HS2ST1: variants seen among roughly 807,000 people sequenced by gnomAD.
The protein encoded by HS2ST1 is 2-O-sulfotransferase.
Under a neutral mutation model 42.9 loss-of-function variants are expected in HS2ST1, and 18 were observed. That is an observed-to-expected ratio of 0.42 (90% CI 0.29 to 0.62). HS2ST1 has a LOEUF of 0.62. Among genes scored for constraint, HS2ST1 ranks in the 20% least tolerant of loss-of-function variants. The pLI is 0.21. For missense variants in HS2ST1, 334 were observed against 433.8 expected, an observed-to-expected ratio of 0.77 and a Z score of 2.04; for synonymous variants, 146 against 152.9, an observed-to-expected ratio of 0.95 and a Z score of 0.33.
chr1:86,980,472 AT>A (rs72294738), intron 1 of HS2ST1, among the ~76,000 whole-genome samples: 17,052 of 150,894 alleles, frequency 0.11, 1,025 homozygotes, highest in African/African-American at 0.14. Context: ...CAATTCATTG[AT>A]TTTTTTTTTC....
intron 1 of HS2ST1, among the ~76,000 whole-genome samples, chr1:87,002,205 C>T (rs1370939315): frequency 2.0e-5 from 3 of 152,216 alleles, no homozygotes; most frequent in Non-Finnish European, 4.4e-5. Flanking sequence ...AGCCACCGTG[C>T]CCGGCCGGAC....
chr1:86,949,234 G>A (rs889376062), intron 1 of HS2ST1, among the ~76,000 whole-genome samples: 4 of 151,930 alleles, frequency 2.6e-5, no homozygotes, highest in East Asian at 3.9e-4. Flanking sequence ...TCAGCCTCCC[G>A]AATAGATGGG....
intron 1 of HS2ST1, among the ~76,000 whole-genome samples, chr1:87,057,558 G>A (rs901609722): frequency 1.6e-4 from 20 of 128,864 alleles, no homozygotes; most frequent in African/African-American, 5.4e-4. Context: ...TTGTCACCCA[G>A]AAGGCACTTT....
intron 1 of HS2ST1, among the ~76,000 whole-genome samples, chr1:87,048,004 A>G (rs1245322876): frequency 6.6e-6 from 1 of 152,174 alleles, no homozygotes; most frequent in Non-Finnish European, 1.5e-5. Context: ...ATTGCATGGC[A>G]TCTGTATATA....
chr1:86,974,298 A>C (rs572325883), intron 1 of HS2ST1, among the ~76,000 whole-genome samples: 59 of 152,242 alleles, frequency 3.9e-4, no homozygotes, highest in African/African-American at 1.3e-3. Context: ...CTACATGATG[A>C]ATGCTAAAAA....
chr1:86,946,998 T>C (rs977105487), intron 1 of HS2ST1, among the ~76,000 whole-genome samples: 2 of 152,206 alleles, frequency 1.3e-5, no homozygotes, highest in Non-Finnish European at 2.9e-5. Flanking sequence ...ATAGTAATTA[T>C]GGATAACTGA....
chr1:87,033,618 A>G (rs1478095245), intron 1 of HS2ST1, among the ~76,000 whole-genome samples: 3 of 152,110 alleles, frequency 2.0e-5, no homozygotes, highest in Admixed American at 2.0e-4. Context: ...ATCTTAGCTC[A>G]CTGCAACCTC....
intron 1 of HS2ST1, among the ~76,000 whole-genome samples, chr1:87,069,886 G>A (rs989901247): frequency 6.6e-6 from 1 of 152,152 alleles, no homozygotes; most frequent in Admixed American, 6.5e-5. Flanking sequence ...TGGCCCTGCC[G>A]GAGGTGTAGC....
chr1:86,982,106 C>T (rs183318078), intron 1 of HS2ST1, among the ~76,000 whole-genome samples: 8 of 152,362 alleles, frequency 5.3e-5, no homozygotes, highest in Admixed American at 5.2e-4. Flanking sequence ...TCTGAAGCAA[C>T]GGCCTAAGCT....
chr1:87,053,442 A>G (rs895079214), intron 1 of HS2ST1, among the ~76,000 whole-genome samples: 15 of 152,068 alleles, frequency 9.9e-5, no homozygotes, highest in African/African-American at 3.4e-4. Context: ...TATATAATTT[A>G]CTCCTATTTT....
At chr1:86,986,860 T>G (rs1366330174) in intron 1 of HS2ST1, among the ~76,000 whole-genome samples, 2 of 152,304 alleles carry the variant, frequency 1.3e-5, no homozygotes, top group East Asian at 3.9e-4. Flanking sequence ...ATAAATTTGT[T>G]TTCCTTTAAG....
intron 1 of HS2ST1, among the ~76,000 whole-genome samples, chr1:86,924,834 C>A (rs1265900119): frequency 6.6e-6 from 1 of 152,146 alleles, no homozygotes; most frequent in Admixed American, 6.5e-5. Flanking sequence ...CTCTGACATG[C>A]CTTGGAGACA....
rs1652381904 is a variant in HS2ST1 at position 87,108,406 on chromosome 1, C to T, written c.*3710C>T. ...GCCTTTAAGAGGCCCAGGTGCTTCT[C>T]CTTTATGATTTGAGTTGGCCTCTTC... On this transcript the variant is annotated 3_prime_UTR_variant, in exon 7 of 7. Transcript: ENST00000370550. The T allele has an allele frequency of 6.6e-6, 1 of 152,054 alleles. No individual in the cohort carries two copies. Among genetic ancestry groups the T allele is most frequent in the Non-Finnish European group, 1.5e-5 (1 of 67,968 alleles). The allele number at this position is 152,054 out of a possible 1,614,324, so 9.4% of individuals were successfully genotyped here.
At chr1:87,084,073 T>C (rs901806192) in intron 2 of HS2ST1, 121 bp from the exon 3 acceptor site, 7 of 560,866 alleles carry the variant, frequency 1.2e-5, no homozygotes, top group Non-Finnish European at 1.9e-5. Context: ...AGTCCAAACC[T>C]GTGTTTCAAG....
At chr1:86,982,208 T>TG (rs1648616104) in intron 1 of HS2ST1, among the ~76,000 whole-genome samples, 1 of 152,176 alleles carries the variant, frequency 6.6e-6, no homozygotes, top group African/African-American at 2.4e-5. Flanking sequence ...GAGGCCCAGC[T>TG]GATGATACCA....
At chr1:86,922,212 A>G (rs1162898230) in intron 1 of HS2ST1, among the ~76,000 whole-genome samples, 2 of 151,202 alleles carry the variant, frequency 1.3e-5, no homozygotes, top group Non-Finnish European at 2.9e-5. Flanking sequence ...GGTATACATG[A>G]TAGAATTTCA....
At chr1:86,936,316 T>A (rs113685640) in intron 1 of HS2ST1, among the ~76,000 whole-genome samples, 1 of 152,196 alleles carries the variant, frequency 6.6e-6, no homozygotes, top group African/African-American at 2.4e-5. Flanking sequence ...TTATTTTTGT[T>A]TCTATAACAT....
chr1:87,077,169 G>A (rs1393260601), intron 2 of HS2ST1, among the ~76,000 whole-genome samples: 1 of 152,168 alleles, frequency 6.6e-6, no homozygotes, highest in Non-Finnish European at 1.5e-5. Flanking sequence ...TACAGATGAT[G>A]ATTCTCAGTA....
intron 1 of HS2ST1, among the ~76,000 whole-genome samples, chr1:86,974,027 A>G (rs1648317078): frequency 6.6e-6 from 1 of 152,154 alleles, no homozygotes; most frequent in Admixed American, 6.5e-5. Context: ...GAGTTGTAGG[A>G]GTACTGTCCT....
Sources: allele counts gnomAD v4.1 joint callset (sites outside exome capture counted in the v4.1 genomes callset), GRCh38; gene constraint gnomAD v4.1.1; transcripts MANE v1.5; gene names NCBI Gene and HGNC (gene_info 2026-07-23, HGNC 2026-07-21).